The following KHDRBS2 variants were observed in gnomAD, a reference collection of about 807,000 sequenced individuals.
KHDRBS2 encodes KH domain-containing, RNA-binding, signal transduction-associated protein 2.
KHDRBS2 carries 26 observed loss-of-function variants against 44.3 expected under a neutral mutation model. That is an observed-to-expected ratio of 0.59 (90% CI 0.43 to 0.81). KHDRBS2 has a LOEUF of 0.81. KHDRBS2 is among the 40% of genes least tolerant of loss of function. KHDRBS2 has a pLI of 0.00. For missense variants in KHDRBS2, 476 were observed against 433.1 expected (o/e 1.10, Z -0.88); for synonymous variants, 194 against 151.1 (o/e 1.28, Z -2.08).
chr6:62,126,458 T>C (rs1200098566), intron 2 of KHDRBS2, among the ~76,000 whole-genome samples: 8 of 152,136 alleles, frequency 5.3e-5, no homozygotes, highest in African/African-American at 1.2e-4. Flanking sequence ...CACCTGCTGA[T>C]TGTAGAACCC....
rs1796165790 is a variant in KHDRBS2, at chr6:62,075,579, TC to T, written c.220-27586del. On this transcript the variant is annotated intron_variant, in intron 2 of 8. Transcript: ENST00000281156. ...TTGCCTTTGGCACAGGATTGGGGTT[TC>T]AATGTATAAGTTACTTATTTTCCCA... Among the ~76,000 whole-genome samples the T allele has an allele frequency of 5.3e-5, 8 of 152,060 alleles. No individual in the cohort carries two copies. The South Asian group carries it at 1.7e-3, about 32-fold the overall frequency.
intron 3 of KHDRBS2, among the ~76,000 whole-genome samples, chr6:62,025,494 G>C (rs1255033303): frequency 1.3e-5 from 2 of 151,622 alleles, no homozygotes; most frequent in African/African-American, 4.8e-5. Context: ...TTAAAAAAGT[G>C]TATCTCTATT....
At chr6:62,176,756 C>A (rs1821179395) in intron 2 of KHDRBS2, among the ~76,000 whole-genome samples, 1 of 151,126 alleles carries the variant, frequency 6.6e-6, no homozygotes, top group African/African-American at 2.4e-5. Flanking sequence ...AGTCTAATAA[C>A]CACCATGTGA....
intron 6 of KHDRBS2, among the ~76,000 whole-genome samples, chr6:61,757,430 C>T (rs1778650621): frequency 6.6e-6 from 1 of 152,072 alleles, no homozygotes; most frequent in Non-Finnish European, 1.5e-5. Flanking sequence ...AGTAGGTATA[C>T]TTTTTTGCAT....
chr6:62,113,241 A>T (rs776406735), intron 2 of KHDRBS2, among the ~76,000 whole-genome samples: 17 of 152,268 alleles, frequency 1.1e-4, no homozygotes, highest in Non-Finnish European at 2.5e-4. Context: ...CTGGCTGAAC[A>T]TATGATTCAT....
Position 61,971,779 on chromosome 6 carries a change from C to T in KHDRBS2, c.483+6287G>A, listed in dbSNP as rs143923116. On this transcript the variant is annotated intron_variant, in intron 4 of 8. Coordinates refer to ENST00000281156, the MANE Select transcript of KHDRBS2 (RefSeq NM_152688.4). ...CTTTCTGTTTGATCAGTGTTTCCTGCTCTATTGTTGCCACCATCCTTCCTT... is the reference window on the plus strand; with the variant it reads ...CTTTCTGTTTGATCAGTGTTTCCTGTTCTATTGTTGCCACCATCCTTCCTT... Among the ~76,000 whole-genome samples the T allele has an allele frequency of 3.3e-5, 5 of 152,216 alleles. No homozygotes were observed. In the East Asian group the frequency reaches 9.7e-4, roughly 29 times the overall value.
At chr6:61,554,427 A>G in the KHDRBS2 span, among the ~76,000 whole-genome samples, 1 of 152,184 alleles carries the variant, frequency 6.6e-6, no homozygotes, top group East Asian at 1.9e-4. Context: ...TCTCTTGAAG[A>G]CAACAAACCA....
intron 6 of KHDRBS2, among the ~76,000 whole-genome samples, chr6:61,891,849 G>T (rs535296145): frequency 6.6e-6 from 1 of 152,298 alleles, no homozygotes; most frequent in South Asian, 2.1e-4. Context: ...ACAAGACAGG[G>T]ATGCCCTCTC....
intron 1 of KHDRBS2, among the ~76,000 whole-genome samples, chr6:62,262,240 T>C (rs532330811): frequency 1.3e-5 from 2 of 151,902 alleles, no homozygotes; most frequent in East Asian, 1.9e-4. Flanking sequence ...ACCACAGTAT[T>C]TGGATACAAA....
chr6:62,059,300 C>A (rs1584419576), intron 2 of KHDRBS2, among the ~76,000 whole-genome samples: 1 of 120,628 alleles, frequency 8.3e-6, no homozygotes, highest in Non-Finnish European at 1.6e-5. Flanking sequence ...GTGACAGAAA[C>A]AAGTTCCAAA....
intron 6 of KHDRBS2, among the ~76,000 whole-genome samples, chr6:61,736,111 T>C (rs1000996135): frequency 5.3e-5 from 8 of 151,510 alleles, no homozygotes; most frequent in African/African-American, 1.9e-4. Context: ...TTCTTTCTTT[T>C]TTTTTTTATA....
At chr6:61,597,846 C>T in the KHDRBS2 span, among the ~76,000 whole-genome samples, 1 of 125,628 alleles carries the variant, frequency 8.0e-6, no homozygotes, top group Non-Finnish European at 1.7e-5. Flanking sequence ...GTTTCAGTTG[C>T]CAAAAACACA....
At chr6:62,123,321 CAA>C (rs1371480532) in intron 2 of KHDRBS2, among the ~76,000 whole-genome samples, 1 of 152,108 alleles carries the variant, frequency 6.6e-6, no homozygotes, top group Non-Finnish European at 1.5e-5. Context: ...GGGTTGGTTC[CAA>C]GTCTTTGCTA....
chr6:62,016,712 G>A (rs1399962888), intron 3 of KHDRBS2, among the ~76,000 whole-genome samples: 1 of 151,480 alleles, frequency 6.6e-6, no homozygotes, highest in East Asian at 1.9e-4. Flanking sequence ...TGGTACAGAT[G>A]GGTAATGATC....
At chr6:62,163,840 A>G (rs1246554091) in intron 2 of KHDRBS2, among the ~76,000 whole-genome samples, 1 of 151,948 alleles carries the variant, frequency 6.6e-6, no homozygotes, top group Non-Finnish European at 1.5e-5. Context: ...ATAGCAGTTC[A>G]TTCTGCTTTT....
the KHDRBS2 span, among the ~76,000 whole-genome samples, chr6:61,600,803 TTCTCCAACC>T: frequency 1.3e-5 from 2 of 152,188 alleles, no homozygotes; most frequent in African/African-American, 4.8e-5. Context: ...CTTTACTCTC[TTCTCCAACC>T]TCTCTCACTA....
At chr6:61,544,310 T>C in the KHDRBS2 span, among the ~76,000 whole-genome samples, 1 of 152,080 alleles carries the variant, frequency 6.6e-6, no homozygotes, top group Non-Finnish European at 1.5e-5. Context: ...AGCTTCAAAT[T>C]AACTAGTAGC....
At chr6:62,082,449 G>A (rs1399496496) in intron 2 of KHDRBS2, among the ~76,000 whole-genome samples, 3 of 151,820 alleles carry the variant, frequency 2.0e-5, no homozygotes, top group Non-Finnish European at 4.4e-5. Flanking sequence ...GAAGGAAAAT[G>A]ATGGATAAAT....
intron 3 of KHDRBS2, among the ~76,000 whole-genome samples, chr6:61,986,512 T>C (rs779376207): frequency 9.9e-5 from 15 of 152,220 alleles, no homozygotes; most frequent in Admixed American, 2.0e-4. Flanking sequence ...TAAGGAAATG[T>C]ATACTTGAAA....
Sources: gnomAD v4.1 joint callset for allele counts (sites outside exome capture counted in the v4.1 genomes callset) on GRCh38, gnomAD v4.1.1 for gene constraint, MANE v1.5 for transcripts, NCBI Gene and HGNC (gene_info 2026-07-23, HGNC 2026-07-21) for gene names.